The following ATRIP variants were observed in gnomAD, a reference collection of about 807,000 sequenced individuals.
The protein encoded by ATRIP is ATR-interacting protein.
ATRIP carries 44 observed loss-of-function variants against 78.1 expected under a neutral mutation model. The ratio of observed to expected loss-of-function variants is 0.56; its 90% CI spans 0.44 to 0.72. The LOEUF is 0.72. Ranked by LOEUF, ATRIP falls within the 30% of genes least tolerant of loss-of-function variation. ATRIP has a pLI of 0.00. For missense variants in ATRIP, 927 were observed against 980.2 expected (o/e 0.95, Z 0.72); for synonymous variants, 388 against 408.9 (o/e 0.95, Z 0.62).
chr3:48,449,136 G>A (rs778215857), intron 1 of ATRIP, among the ~76,000 whole-genome samples: 14 of 152,102 alleles, frequency 9.2e-5, no homozygotes, highest in East Asian at 5.8e-4. Context: ...AGTTTCAGCC[G>A]GGTGTGGTGG....
Position 48,460,567 on chromosome 3 carries a change from G to A in ATRIP, c.1513G>A (p.Ala505Thr). ...ACTGTCAGGAGTGGGGGCAGATTCT[G>A]CTGCTGGGGAAGGAAACAGGAGCCT... is the stretch of plus-strand genomic sequence containing the variant. ...LLLSGVGADS[A>T]AGEGNRSLVH... Residue 505 changes from alanine (A) to threonine (T), a missense_variant, in exon 8 of 13, where the codon GCT becomes ACT. By Grantham distance (58) the Ala-to-Thr change is moderately conservative. Coordinates refer to ENST00000320211, the MANE Select transcript of ATRIP (RefSeq NM_130384.3). The A allele has an allele frequency of 4.3e-6, 7 of 1,614,206 alleles. No individual in the cohort carries two copies. Among genetic ancestry groups the A allele is most frequent in the Non-Finnish European group, 5.9e-6 (7 of 1,180,046 alleles).
rs1201961878 is a variant in ATRIP, at chr3:48,460,198, G to T, written c.1144G>T (p.Ala382Ser). The T allele has an allele frequency of 6.2e-7, 1 of 1,614,140 alleles. No homozygotes were observed. Among genetic ancestry groups the T allele is most frequent in the Admixed American group, 1.7e-5 (1 of 60,010 alleles). ...LSALREAQNL[A>S]FTGLNLVARN... Reference sequence around the variant, plus strand: ...AGCCCTGAGAGAAGCACAGAACCTGGCATTCACTGGACTGAATCTGGTTGC... The same window carrying T: ...AGCCCTGAGAGAAGCACAGAACCTGTCATTCACTGGACTGAATCTGGTTGC... Residue 382 changes from alanine to serine, a missense_variant, in exon 8 of 13, where the codon GCA (alanine) becomes TCA (serine). Coordinates refer to ENST00000320211, the MANE Select transcript of ATRIP (RefSeq NM_130384.3).
At chr3:48,458,828 C>A (rs1439387584) in intron 5 of ATRIP, among the ~76,000 whole-genome samples, 1 of 152,156 alleles carries the variant, frequency 6.6e-6, no homozygotes, top group Non-Finnish European at 1.5e-5. Context: ...GAAACTGTAG[C>A]CCACTTACAT....
At position 48,466,424 on chromosome 3, in the gene ATRIP, TCA is replaced by T; in HGVS notation, c.*871_*872del. The T allele has an allele frequency of 6.2e-7, 1 of 1,609,608 alleles. No individual in the cohort carries two copies. The highest frequency in any genetic ancestry group is 2.2e-5 in the East Asian group (1 of 44,844). Reference sequence around the variant, plus strand: ...GAGTCATGTGAAGAGGGAGACCCTCTCAGACAGTCGAATGTGCTGGTCCCACT... The same window carrying T: ...GAGTCATGTGAAGAGGGAGACCCTCTGACAGTCGAATGTGCTGGTCCCACT... On this transcript the variant is annotated 3_prime_UTR_variant, in exon 13 of 13. Coordinates refer to ENST00000320211, the MANE Select transcript of ATRIP (RefSeq NM_130384.3).
intron 5 of ATRIP, 73 bp from the exon 6 acceptor site, chr3:48,459,286 A>G: frequency 7.9e-7 from 1 of 1,263,778 alleles, no homozygotes; most frequent in Non-Finnish European, 1.2e-6. Flanking sequence ...TTTTAAACTC[A>G]TTGCATGTAA....
At chr3:48,447,655 TGAG>T (rs1009867980) in intron 1 of ATRIP, 1 of 567,862 alleles carries the variant, frequency 1.8e-6, no homozygotes, top group Non-Finnish European at 2.2e-6. Context: ...ACATTCTAGT[TGAG>T]GAGTGAGTGA....
Position 48,463,872 on chromosome 3 carries a change from T to C in ATRIP, c.1873T>C (p.Ser625Pro). Residue 625 changes from serine to proline, a missense_variant, in exon 9 of 13, where the codon TCC (serine) becomes CCC (proline). By Grantham distance (74) the Ser-to-Pro change is moderately conservative (BLOSUM62 -1). Transcript: ENST00000320211. Reference protein sequence around the residue: ...DHDQLAPQLCSHSEGCLLLLL... With the variant: ...DHDQLAPQLCPHSEGCLLLLL... ...CGACCAGCTGGCACCTCAGCTCTGT[T>C]CCCACTCAGGTAAAGCAGGGTGGGG... The C allele has an allele frequency of 6.2e-7, 1 of 1,614,094 alleles. No individual in the cohort carries two copies. Among genetic ancestry groups the C allele is most frequent in the Non-Finnish European group, 8.5e-7 (1 of 1,180,016 alleles).
rs2040072466 is a variant in ATRIP at position 48,460,456 on chromosome 3, G to A, written c.1402G>A (p.Val468Met). Residue 468 changes from valine (V) to methionine (M), a missense_variant, in exon 8 of 13, where the codon GTG (valine) becomes ATG (methionine). Transcript: ENST00000320211. ...SGVETNPEDSVCILEGFSVTA... is the reference protein window; with the variant it reads ...SGVETNPEDSMCILEGFSVTA... ...GGTAGAGACCAACCCTGAGGACTCA[G>A]TGTGCATCCTGGAAGGCTTCTCTGT... The A allele has an allele frequency of 6.2e-7, 1 of 1,610,990 alleles. No homozygotes were observed. Among genetic ancestry groups the A allele is most frequent in the African/African-American group, 1.3e-5 (1 of 74,866 alleles).
At chr3:48,447,290 A>G in intron 1 of ATRIP, 198 bp downstream of exon 1, 2 of 1,246,324 alleles carry the variant, frequency 1.6e-6, no homozygotes, top group Non-Finnish European at 2.0e-6. Context: ...CAGGTCAAAC[A>G]GCCGATTTGA....
chr3:48,451,932 G>T, intron 3 of ATRIP, 33 bp downstream of exon 3: 1 of 1,562,880 alleles, frequency 6.4e-7, no homozygotes. Flanking sequence ...CACCAGCTTT[G>T]CCTGCCCACT....
At chr3:48,450,641 C>A in intron 2 of ATRIP, 1 of 896,716 alleles carries the variant, frequency 1.1e-6, no homozygotes, top group Non-Finnish European at 1.5e-6. Flanking sequence ...GGCTGGAGTA[C>A]AGTGACACAA....
Position 48,464,614 on chromosome 3 carries a change from G to A in ATRIP, c.2007G>A (p.Gln669=), listed in dbSNP as rs1188053201. 1.9e-6 allele frequency: 3 copies of A among 1,614,164 alleles called. No individual in the cohort carries two copies. The highest frequency in any genetic ancestry group is 2.2e-5 in the East Asian group (1 of 44,886). ...VVWLLAKLGV[Q]SPLPPVTGSN... ...GGCTCCTGGCTAAGCTTGGTGTGCA[G>A]AGCCCCTTGCCCCCAGTCACTGGCT... Residue 669 remains glutamine (Q), a synonymous_variant, in exon 11 of 13, where the codon CAG becomes CAA. Transcript: ENST00000320211.
At chr3:48,463,560 A>G (rs2040176952) in intron 8 of ATRIP, among the ~76,000 whole-genome samples, 185 bp from the exon 9 acceptor site, 1 of 152,106 alleles carries the variant, frequency 6.6e-6, no homozygotes, top group Non-Finnish European at 1.5e-5. Context: ...CCACTTGTTC[A>G]CATGAAACAA....
intron 8 of ATRIP, among the ~76,000 whole-genome samples, chr3:48,462,024 A>G (rs2040131324): frequency 1.3e-5 from 2 of 152,072 alleles, no homozygotes; most frequent in Admixed American, 1.3e-4. Context: ...TTGTTTAATA[A>G]TTGTTAAATG....
At position 48,446,835 on chromosome 3, in the gene ATRIP, G is replaced by C; in HGVS notation, c.-11G>C. 1 of 1,398,022 alleles carries C rather than the reference G, an allele frequency of 7.2e-7. No individual in the cohort carries two copies. Among genetic ancestry groups the C allele is most frequent in the South Asian group, 1.9e-5 (1 of 53,010 alleles). 86.6% of individuals were successfully genotyped at this position (1,398,022 alleles called of 1,614,324 possible). ...CTCGGCGCTGTCGGATACTTGGGGT[G>C]AGCGGAAAGCATGGCGGGGACCTCC... is the stretch of plus-strand genomic sequence containing the variant. On this transcript the variant is annotated 5_prime_UTR_variant, in exon 1 of 13. Transcript: ENST00000320211.
Position 48,466,719 on chromosome 3 carries a change from A to G in ATRIP, c.*1165A>G, listed in dbSNP as rs1472348056. 6.2e-7 allele frequency: 1 copy of G among 1,613,934 alleles called. No individual in the cohort carries two copies. Among genetic ancestry groups the G allele is most frequent in the Non-Finnish European group, 8.5e-7 (1 of 1,180,012 alleles). ...CCTCATCTTTTTCGACATGGAGGCC[A>G]CTGGCTTGCCCTTCTCCCAGCCCAA... On this transcript the variant is annotated 3_prime_UTR_variant, in exon 13 of 13. Coordinates refer to ENST00000320211, the MANE Select transcript of ATRIP (RefSeq NM_130384.3).
At chr3:48,463,687 G>C in intron 8 of ATRIP, 58 bp from the exon 9 acceptor site, 1 of 1,604,758 alleles carries the variant, frequency 6.2e-7, no homozygotes, top group South Asian at 1.1e-5. Context: ...GAGTGTGAAG[G>C]TAGGTTATGG....
chr3:48,463,760 C>G lies in ATRIP; in HGVS notation c.1761C>G (p.Phe587Leu), dbSNP rs375679861. The G allele has an allele frequency of 6.2e-7, 1 of 1,613,988 alleles. No individual in the cohort carries two copies. Among genetic ancestry groups the G allele is most frequent in the African/African-American group, 1.3e-5 (1 of 74,892 alleles). Residue 587 changes from phenylalanine to leucine, a missense_variant, in exon 9 of 13, where the codon TTC becomes TTG. Coordinates refer to ENST00000320211, the MANE Select transcript of ATRIP (RefSeq NM_130384.3). ...TGTCTTTTAGGTTCCAGTGTGTGTT[C>G]CAAGTGCTGCCAAAGTGCCTCAGCC... ...CDFLPRFQCV[F>L]QVLPKCLSPE...
At position 48,459,227 on chromosome 3, in the gene ATRIP, C is replaced by T. The variant is rs191077061; in HGVS notation, c.830-132C>T. 3.0e-4 allele frequency: 202 copies of T among 668,252 alleles called. 1 individual carries two copies. In the African/African-American group the frequency reaches 3.2e-3, roughly 10 times the overall value. 41.4% of individuals were successfully genotyped at this position (668,252 alleles called of 1,614,324 possible). A position where few individuals can be genotyped will look rare whatever the true frequency, so the allele number is the denominator to read the frequency against. On this transcript the variant is annotated intron_variant, in intron 5 of 12. Coordinates refer to ENST00000320211, the MANE Select transcript of ATRIP (RefSeq NM_130384.3). The stretch of plus-strand genomic sequence containing the variant: ...GGTAAAAGATGCAGGGCTCTTGAGC[C>T]GCTTTGGCTCTTGTTTGTTCCAAGT...
Sources: gnomAD v4.1 joint callset for allele counts (sites outside exome capture counted in the v4.1 genomes callset) on GRCh38, gnomAD v4.1.1 for gene constraint, MANE v1.5 for transcripts, NCBI Gene and HGNC (gene_info 2026-07-23, HGNC 2026-07-21) for gene names.